The following CRB1 variants were observed in gnomAD, a reference collection of about 807,000 sequenced individuals.
CRB1 encodes protein crumbs homolog 1.
CRB1 carries 83 observed loss-of-function variants against 120.0 expected under a neutral mutation model. That is an observed-to-expected ratio of 0.69 (90% confidence interval 0.58 to 0.83). The LOEUF is 0.83. Among genes scored for constraint, CRB1 ranks in the 40% least tolerant of loss-of-function variants. CRB1 has a pLI of 0.00. For missense variants in CRB1, 1,699 were observed against 1,687.6 expected, an observed-to-expected ratio of 1.01 and a Z score of -0.12; for synonymous variants, 625 against 612.5, an observed-to-expected ratio of 1.02 and a Z score of -0.30.
At chr1:197,239,834 T>C in the CRB1 span, among the ~76,000 whole-genome samples, 1 of 149,818 alleles carries the variant, frequency 6.7e-6, no homozygotes. Context: ...TCCCTTTGTA[T>C]AGCTTTTTGA....
At chr1:197,212,732 G>A in the CRB1 span, among the ~76,000 whole-genome samples, 1 of 152,018 alleles carries the variant, frequency 6.6e-6, no homozygotes, top group African/African-American at 2.4e-5. Flanking sequence ...CACTTTAAAT[G>A]TACACAGAGT....
chr1:197,209,696 C>T, the CRB1 span, among the ~76,000 whole-genome samples: 1 of 152,104 alleles, frequency 6.6e-6, no homozygotes, highest in Non-Finnish European at 1.5e-5. Context: ...TCCAAAAACC[C>T]GTGTGAGACA....
chr1:197,250,036 T>G, the CRB1 span, among the ~76,000 whole-genome samples: 1 of 152,042 alleles, frequency 6.6e-6, no homozygotes, highest in Admixed American at 6.6e-5. Flanking sequence ...ATTTTCTCAG[T>G]TTTTCGTTTG....
At chr1:197,358,800 GGTCAAAT>G (rs71767933) in intron 5 of CRB1, among the ~76,000 whole-genome samples, 85,079 of 151,332 alleles carry the variant, frequency 0.56, 27,390 homozygotes, top group South Asian at 0.81. Flanking sequence ...ACATATTACT[GGTCAAAT>G]GTAATCATGT....
chr1:197,402,867 C>T (rs375962874), intron 5 of CRB1, among the ~76,000 whole-genome samples: 353 of 152,186 alleles, frequency 2.3e-3, no homozygotes, highest in African/African-American at 8.2e-3. Flanking sequence ...TTTTCTGCCC[C>T]CAATGTAGAT....
chr1:197,384,177 T>C (rs987130302), intron 5 of CRB1, among the ~76,000 whole-genome samples: 3 of 152,176 alleles, frequency 2.0e-5, no homozygotes, highest in Non-Finnish European at 4.4e-5. Context: ...AAAAATCCTC[T>C]AAGGTATCAC....
intron 4 of CRB1, among the ~76,000 whole-genome samples, chr1:197,350,755 T>TAA (rs1660051385): frequency 6.6e-6 from 1 of 152,184 alleles, no homozygotes; most frequent in African/African-American, 2.4e-5. Context: ...TTAGATAAGC[T>TAA]AAAGATGACT....
intron 5 of CRB1, among the ~76,000 whole-genome samples, chr1:197,379,605 CAAAAAAAAAAAAA>C (rs75820081): frequency 2.7e-5 from 2 of 74,388 alleles, no homozygotes; most frequent in African/African-American, 5.4e-5. Context: ...CGGCCCCGGC[CAAAAAAAAAAAAA>C]AAAAAAAAAA....
intron 5 of CRB1, among the ~76,000 whole-genome samples, chr1:197,372,033 T>C (rs1028432476): frequency 6.6e-6 from 1 of 152,134 alleles, no homozygotes; most frequent in Non-Finnish European, 1.5e-5. Flanking sequence ...ACTCGAATTT[T>C]CATATGAATA....
chr1:197,322,417 C>G (rs1428890703), intron 1 of CRB1, among the ~76,000 whole-genome samples: 1 of 151,548 alleles, frequency 6.6e-6, no homozygotes, highest in African/African-American at 2.4e-5. Flanking sequence ...GAGCCAAGAT[C>G]GCACCACTGC....
At chr1:197,259,386 G>T in the CRB1 span, among the ~76,000 whole-genome samples, 1 of 152,344 alleles carries the variant, frequency 6.6e-6, no homozygotes, top group South Asian at 2.1e-4. Context: ...CAGGGACATG[G>T]ATAAAGCTTT....
intron 5 of CRB1, among the ~76,000 whole-genome samples, chr1:197,410,730 A>G (rs1663667408): frequency 6.6e-6 from 1 of 152,206 alleles, no homozygotes; most frequent in Non-Finnish European, 1.5e-5. Context: ...CATATTCTTT[A>G]CTTAAAATTA....
chr1:197,263,885 G>A (rs1029529972), upstream of CRB1, among the ~76,000 whole-genome samples: 4 of 151,554 alleles, frequency 2.6e-5, no homozygotes, highest in Admixed American at 6.6e-5. Flanking sequence ...TTTATTTTTA[G>A]AATTTATGTT....
At chr1:197,246,381 T>C in the CRB1 span, among the ~76,000 whole-genome samples, 1 of 152,020 alleles carries the variant, frequency 6.6e-6, no homozygotes, top group Non-Finnish European at 1.5e-5. Context: ...ATTTTTTGTC[T>C]TTACTCACTG....
In CRB1 at chr1:197,347,467, C is replaced by T. The variant is rs773386179; in HGVS notation, c.976C>T (p.His326Tyr). 34 of 1,614,156 alleles carry T rather than the reference C, an allele frequency of 2.1e-5. No individual in the cohort carries two copies. In the East Asian group the frequency reaches 7.4e-4, roughly 35 times the overall value. ...GGACAGTGTTGACAATTACACTTGTCACTGCTGGCCTGGTGAGTGACAAAA... is the reference window on the plus strand; with the variant it reads ...GGACAGTGTTGACAATTACACTTGTTACTGCTGGCCTGGTGAGTGACAAAA... ...CEDSVDNYTC[H>Y]CWPGYTGAQC... The change falls in exon 4 of 12, where the codon CAC becomes TAC. Residue 326 changes from histidine to tyrosine, a missense_variant. By Grantham distance (83) the His-to-Tyr change is moderately conservative. Coordinates refer to ENST00000367400, the MANE Select transcript of CRB1 (RefSeq NM_201253.3).
chr1:197,329,613 C>A (rs1658735381), intron 2 of CRB1, among the ~76,000 whole-genome samples: 2 of 152,168 alleles, frequency 1.3e-5, no homozygotes, highest in South Asian at 2.1e-4. Context: ...AACAAGTTGA[C>A]AACTCATCAT....
chr1:197,353,046 G>A (rs1194379102), intron 4 of CRB1, among the ~76,000 whole-genome samples: 2 of 152,134 alleles, frequency 1.3e-5, no homozygotes, highest in Admixed American at 6.5e-5. Flanking sequence ...TCTCTGTTTT[G>A]TGAAGCACAC....
At chr1:197,409,938 C>G (rs1663615266) in intron 5 of CRB1, among the ~76,000 whole-genome samples, 1 of 152,170 alleles carries the variant, frequency 6.6e-6, no homozygotes. Context: ...CGCCCGCCAC[C>G]ATGCCCGGCT....
chr1:197,373,619 C>A (rs1019272485), intron 5 of CRB1, among the ~76,000 whole-genome samples: 4 of 152,142 alleles, frequency 2.6e-5, no homozygotes, highest in Non-Finnish European at 4.4e-5. Context: ...CTCAAACAGC[C>A]TTAATAAACT....
Sources: allele counts gnomAD v4.1 joint callset (sites outside exome capture counted in the v4.1 genomes callset), GRCh38; gene constraint gnomAD v4.1.1; transcripts MANE v1.5; gene names NCBI Gene and HGNC (gene_info 2026-07-23, HGNC 2026-07-21).